The following OPN3 variants were observed in gnomAD, a reference collection of about 807,000 sequenced individuals.
OPN3 encodes the protein opsin-3.
Under a neutral mutation model 33.8 loss-of-function variants are expected in OPN3, and 29 were observed. The observed-to-expected ratio is 0.86, with a 90% CI of 0.64 to 1.17. The LOEUF is 1.17. Among genes scored for constraint, OPN3 ranks in the 50% most tolerant of loss-of-function variants. The pLI, the probability that OPN3 is intolerant of heterozygous loss-of-function variation, is 0.00. For missense variants in OPN3, 437 were observed against 514.1 expected (o/e 0.85, Z 1.45); for synonymous variants, 216 against 216.1 (o/e 1.00, Z 0.00).
At chr1:241,626,776 T>C (rs1035043470) in intron 1 of OPN3, among the ~76,000 whole-genome samples, 27 of 152,224 alleles carry the variant, frequency 1.8e-4, no homozygotes, top group African/African-American at 6.5e-4. Flanking sequence ...ATGTCAGAGA[T>C]GAATACGGAA....
chr1:241,600,972 T>A (rs1039294682), intron 2 of OPN3: 8 of 151,848 alleles, frequency 5.3e-5, no homozygotes, highest in African/African-American at 1.9e-4. Context: ...GGGAAACTGG[T>A]TCTGAGGGTG....
At chr1:241,628,582 C>T (rs1284620783) in intron 1 of OPN3, among the ~76,000 whole-genome samples, 1 of 152,116 alleles carries the variant, frequency 6.6e-6, no homozygotes, top group African/African-American at 2.4e-5. Flanking sequence ...CATTTAGGGG[C>T]ATACTTTAAT....
At chr1:241,594,742 T>C (rs1399005297) in intron 3 of OPN3, 51 bp from the exon 4 acceptor site, 1 of 1,580,606 alleles carries the variant, frequency 6.3e-7, no homozygotes, top group Non-Finnish European at 8.6e-7. Context: ...TGGGCACTAA[T>C]CTGGATTAAC....
intron 2 of OPN3, among the ~76,000 whole-genome samples, chr1:241,599,626 A>G (rs1160980763): frequency 3.9e-5 from 6 of 152,122 alleles, no homozygotes; most frequent in African/African-American, 1.4e-4. Flanking sequence ...TATTTTCAAA[A>G]CATCATTTTG....
intron 2 of OPN3, among the ~76,000 whole-genome samples, chr1:241,603,096 A>G (rs566282602): frequency 3.3e-5 from 5 of 152,250 alleles, no homozygotes; most frequent in Admixed American, 6.5e-5. Flanking sequence ...TGAAGATACA[A>G]GGGAAAGAGA....
chr1:241,596,601 C>T (rs919622920), intron 3 of OPN3, among the ~76,000 whole-genome samples: 3 of 152,210 alleles, frequency 2.0e-5, no homozygotes, highest in African/African-American at 7.2e-5. Context: ...GTGCCCTCTT[C>T]TTCCACATTC....
intron 1 of OPN3, chr1:241,632,034 C>G (rs1472714611): frequency 2.6e-5 from 4 of 152,116 alleles, no homozygotes; most frequent in African/African-American, 9.7e-5. Flanking sequence ...TGTTCCCACT[C>G]AAATCTCATC....
In OPN3 at chr1:241,635,408, T is replaced by G. The variant is rs1415567556; in HGVS notation, c.373+4474A>C. On this transcript the variant is annotated intron_variant, in intron 1 of 3. Transcript: ENST00000366554. The stretch of plus-strand genomic sequence containing the variant: ...AGACACCCCCAAAGAAGGATTTTTC[T>G]GCAGAGCACCAATCTCTTCAACGTT... The G allele has an allele frequency of 1.7e-5, 28 of 1,614,050 alleles. 1 individual carries two copies. Among genetic ancestry groups the G allele is most frequent in the Non-Finnish European group, 2.4e-5 (28 of 1,179,948 alleles).
intron 2 of OPN3, 124 bp downstream of exon 2, chr1:241,604,136 C>A: frequency 1.3e-6 from 1 of 786,792 alleles, no homozygotes; most frequent in East Asian, 2.5e-5. Flanking sequence ...GATGGGAAGT[C>A]CCCTAGAACT....
chr1:241,615,413 G>C (rs1191730825), intron 1 of OPN3, among the ~76,000 whole-genome samples: 1 of 151,954 alleles, frequency 6.6e-6, no homozygotes, highest in Admixed American at 6.6e-5. Flanking sequence ...ACCACAGTAT[G>C]CTCAAGAAAA....
chr1:241,608,881 T>A lies in OPN3; in HGVS notation c.374-4302A>T, dbSNP rs1663908482. Reference sequence around the variant, plus strand: ...AGTGGCAGCATGAGTCAGACTGACTTAGTCTTCGAGGGTAACCCAACTGAA... The same window carrying A: ...AGTGGCAGCATGAGTCAGACTGACTAAGTCTTCGAGGGTAACCCAACTGAA... On this transcript the variant is annotated intron_variant, in intron 1 of 3. Transcript: ENST00000366554. Among the ~76,000 whole-genome samples, 5 of 152,176 alleles carry A rather than the reference T, an allele frequency of 3.3e-5. No individual in the cohort carries two copies. The South Asian group carries it at 1.0e-3, about 32-fold the overall frequency.
At chr1:241,632,230 A>G (rs117917932) in intron 1 of OPN3, 1,763 of 153,294 alleles carry the variant, frequency 0.012, 42 homozygotes, top group Admixed American at 0.042. Context: ...GCCATGTAAG[A>G]CGTGCCTTTC....
At chr1:241,620,529 A>T (rs886200616) in intron 1 of OPN3, among the ~76,000 whole-genome samples, 2 of 152,192 alleles carry the variant, frequency 1.3e-5, no homozygotes, top group Non-Finnish European at 2.9e-5. Context: ...AAGTAAGCAC[A>T]CTAACCTGGA....
chr1:241,626,667 A>C (rs1337791416), intron 1 of OPN3, among the ~76,000 whole-genome samples: 1 of 152,222 alleles, frequency 6.6e-6, no homozygotes, highest in Non-Finnish European at 1.5e-5. Flanking sequence ...CAATGGTTAC[A>C]CAAGCTTTAA....
At chr1:241,615,949 G>A (rs56176170) in intron 1 of OPN3, 11,814 of 456,648 alleles carry the variant, frequency 0.026, 218 homozygotes, top group South Asian at 0.039. Flanking sequence ...AGAGGCAAAC[G>A]GACATTAACA....
chr1:241,634,714 G>A (rs1664806815), intron 1 of OPN3: 3 of 1,613,852 alleles, frequency 1.9e-6, no homozygotes, highest in African/African-American at 1.3e-5. Flanking sequence ...CTATTGTAGT[G>A]CAAGATGATT....
chr1:241,627,823 G>T (rs1323346133), intron 1 of OPN3, among the ~76,000 whole-genome samples: 1 of 152,100 alleles, frequency 6.6e-6, no homozygotes, highest in East Asian at 1.9e-4. Flanking sequence ...TACGCAACAG[G>T]AGCATGACTT....
intron 1 of OPN3, among the ~76,000 whole-genome samples, chr1:241,621,408 G>C (rs1008640293): frequency 1.3e-4 from 20 of 152,152 alleles, no homozygotes; most frequent in African/African-American, 4.6e-4. Flanking sequence ...CTGTGAACAA[G>C]AGGTGACAGC....
chr1:241,608,867 G>A (rs946649479), intron 1 of OPN3, among the ~76,000 whole-genome samples: 3 of 152,172 alleles, frequency 2.0e-5, no homozygotes, highest in African/African-American at 7.2e-5. Flanking sequence ...GTGGCAGCAT[G>A]AGTCAGACTG....
Sources: gnomAD v4.1 joint callset for allele counts (sites outside exome capture counted in the v4.1 genomes callset) on GRCh38, gnomAD v4.1.1 for gene constraint, MANE v1.5 for transcripts, NCBI Gene and HGNC (gene_info 2026-07-23, HGNC 2026-07-21) for gene names.